Variants in CHD2 observed in about 807,000 individuals in gnomAD.
CHD2 encodes ATP-dependent chromatin remodeler CHD2.
In CHD2, 28 loss-of-function variants were observed where a neutral mutation model predicts 243.9. That is an observed-to-expected ratio of 0.11 (90% CI 0.09 to 0.16). The LOEUF is 0.16. Ranked by LOEUF, CHD2 falls within the 10% of genes least tolerant of loss-of-function variation. CHD2 has a pLI of 1.00. For synonymous variants in CHD2, 775 were observed against 779.0 expected (o/e 0.99, Z 0.09); for missense variants, 1,386 against 2,209.8 (o/e 0.63, Z 7.47).
At chr15:93,020,832 T>A (rs1045770747) in intron 38 of CHD2, 3 of 156,004 alleles carry the variant, frequency 1.9e-5, no homozygotes, top group Admixed American at 6.2e-5. Flanking sequence ...GCTGATGATG[T>A]GCGTCATTTG....
At chr15:92,993,512 GT>G (rs1202813567) in intron 28 of CHD2, among the ~76,000 whole-genome samples, 2 of 152,190 alleles carry the variant, frequency 1.3e-5, no homozygotes, top group Admixed American at 1.3e-4. Context: ...GACATGCAGT[GT>G]GTTTTCTCTT....
intron 2 of CHD2, among the ~76,000 whole-genome samples, chr15:92,919,037 G>T (rs369036159): frequency 6.6e-6 from 1 of 151,924 alleles, no homozygotes; most frequent in African/African-American, 2.4e-5. Flanking sequence ...TGTTTTTTTA[G>T]TACAGGCTGG....
At chr15:93,018,539 A>G (rs2054491141) in intron 37 of CHD2, among the ~76,000 whole-genome samples, 1 of 152,224 alleles carries the variant, frequency 6.6e-6, no homozygotes, top group Non-Finnish European at 1.5e-5. Context: ...TTAGTTTCCT[A>G]GGGCTGTATA....
At chr15:92,949,244 G>A in intron 13 of CHD2, 168 bp downstream of exon 13, 1 of 1,430,852 alleles carries the variant, frequency 7.0e-7, no homozygotes, top group Non-Finnish European at 9.1e-7. Context: ...ATGCTTCCTG[G>A]GAGTTTTTAT....
intron 16 of CHD2, among the ~76,000 whole-genome samples, chr15:92,957,980 G>A (rs1445131665): frequency 6.6e-6 from 1 of 152,120 alleles, no homozygotes; most frequent in African/African-American, 2.4e-5. Flanking sequence ...ATTCATGTCA[G>A]AGTCTGTCAG....
At chr15:93,023,604 A>G (rs191368730) in intron 38 of CHD2, among the ~76,000 whole-genome samples, 28 of 151,802 alleles carry the variant, frequency 1.8e-4, no homozygotes, top group Admixed American at 9.2e-4. Context: ...ACCATTTTAC[A>G]TTCCTACCAG....
At chr15:92,920,521 C>T (rs2052934650) in intron 2 of CHD2, among the ~76,000 whole-genome samples, 1 of 152,172 alleles carries the variant, frequency 6.6e-6, no homozygotes, top group Non-Finnish European at 1.5e-5. Context: ...GTGCTTCCCA[C>T]TTTTCAACAC....
chr15:93,000,267 GA>G (rs547961992), intron 31 of CHD2, among the ~76,000 whole-genome samples: 1 of 148,522 alleles, frequency 6.7e-6, no homozygotes, highest in African/African-American at 2.5e-5. Flanking sequence ...CTCCATCTCG[GA>G]AAAAAAAACG....
intron 2 of CHD2, among the ~76,000 whole-genome samples, chr15:92,911,853 C>T (rs1372423564): frequency 6.6e-6 from 1 of 152,166 alleles, no homozygotes; most frequent in East Asian, 1.9e-4. Context: ...TTTTTAAACA[C>T]TTTGCATTTT....
chr15:92,941,837 T>C lies in CHD2; in HGVS notation c.708T>C (p.Asp236=). 5.6e-6 allele frequency: 9 copies of C among 1,613,194 alleles called. No homozygotes were observed. Among genetic ancestry groups the C allele is most frequent in the Non-Finnish European group, 7.6e-6 (9 of 1,179,636 alleles). The change falls in exon 8 of 39, where the codon GAT becomes GAC. Residue 236 remains aspartate, a synonymous_variant. Transcript: ENST00000394196. Reference sequence around the variant, plus strand: ...CCTCTTGCAGTTACAAAGAAGATGATGACTTTGAGACTGACTCAGATGATC... The same window carrying C: ...CCTCTTGCAGTTACAAAGAAGATGACGACTTTGAGACTGACTCAGATGATC... ...AAKNVSYKED[D]DFETDSDDLI... is the part of the protein sequence containing the mutation.
Position 93,009,245 on chromosome 15 carries a change from G to C in CHD2, c.4514G>C (p.Cys1505Ser), listed in dbSNP as rs1280495911. 1 of 1,614,204 alleles carries C rather than the reference G, an allele frequency of 6.2e-7. No homozygotes were observed. The highest frequency in any genetic ancestry group is 1.7e-5 in the Admixed American group (1 of 60,028). The change falls in exon 35 of 39, where the codon TGC (cysteine) becomes TCC (serine). Residue 1505 changes from cysteine (C) to serine (S), a missense_variant. By Grantham distance (112) the Cys-to-Ser change is moderately radical (BLOSUM62 -1). This residue lies in a region of CHD2 where 42 missense variants were observed against 47.6 expected (regional missense o/e 0.88). Transcript: ENST00000394196. ...VQEQLEHTRNCLLKIGDRIAE... is the reference protein window; with the variant it reads ...VQEQLEHTRNSLLKIGDRIAE... ...GAACAGCTGGAACACACCCGGAACT[G>C]CCTGCTGAAAATCGGAGACCGGATA... is the stretch of plus-strand genomic sequence containing the variant.
intron 14 of CHD2, among the ~76,000 whole-genome samples, chr15:92,954,579 T>C (rs921200986): frequency 1.3e-5 from 2 of 152,250 alleles, no homozygotes; most frequent in African/African-American, 2.4e-5. Context: ...TAGTTTTAGC[T>C]TTGTTAAATC....
intron 34 of CHD2, among the ~76,000 whole-genome samples, chr15:93,008,793 T>C (rs763171363): frequency 6.6e-6 from 1 of 152,184 alleles, no homozygotes; most frequent in Non-Finnish European, 1.5e-5. Flanking sequence ...TTAGACAGTT[T>C]CTGGTGGGAG....
chr15:93,006,458 T>C (rs2054323584), intron 34 of CHD2, among the ~76,000 whole-genome samples: 1 of 152,142 alleles, frequency 6.6e-6, no homozygotes, highest in Admixed American at 6.5e-5. Flanking sequence ...GACGTAACCA[T>C]GATTCTGAAT....
intron 27 of CHD2, among the ~76,000 whole-genome samples, 177 bp from the exon 28 acceptor site, chr15:92,992,682 T>C (rs1485443204): frequency 6.6e-6 from 1 of 152,250 alleles, no homozygotes; most frequent in African/African-American, 2.4e-5. Context: ...AAAATGAATG[T>C]GTTAGCCTTC....
chr15:92,987,307 A>T (rs1447156770), intron 26 of CHD2, among the ~76,000 whole-genome samples: 2 of 152,086 alleles, frequency 1.3e-5, no homozygotes, highest in Non-Finnish European at 2.9e-5. Flanking sequence ...ATTTTAAAAA[A>T]TGGTATTTGG....
At chr15:92,912,844 C>T (rs1378569870) in intron 2 of CHD2, among the ~76,000 whole-genome samples, 1 of 152,256 alleles carries the variant, frequency 6.6e-6, no homozygotes, top group East Asian at 1.9e-4. Context: ...GCCACTGCGC[C>T]AGGCCCTGAC....
At chr15:92,929,563 T>G (rs571550990) in intron 5 of CHD2, among the ~76,000 whole-genome samples, 1 of 152,308 alleles carries the variant, frequency 6.6e-6, no homozygotes, top group East Asian at 1.9e-4. Flanking sequence ...CCAGAAAAAT[T>G]TAATTTGTGG....
chr15:92,925,562 A>T (rs2053043775), intron 3 of CHD2, among the ~76,000 whole-genome samples: 1 of 152,246 alleles, frequency 6.6e-6, no homozygotes, highest in African/African-American at 2.4e-5. Flanking sequence ...TAAGGGCTCC[A>T]TAAAAACCTG....
Sources: allele counts gnomAD v4.1 joint callset (sites outside exome capture counted in the v4.1 genomes callset), GRCh38; gene constraint gnomAD v4.1.1; regional missense constraint gnomAD v4.1.1; transcripts MANE v1.5; gene names NCBI Gene and HGNC (gene_info 2026-07-23, HGNC 2026-07-21).